The following TJP2 variants were observed in gnomAD, a reference collection of about 807,000 sequenced individuals.
The protein encoded by TJP2 is tight junction protein 2.
A neutral mutation model predicts 133.1 loss-of-function variants in TJP2; 91 were observed. That is an observed-to-expected ratio of 0.68 (90% CI 0.58 to 0.81). The LOEUF (loss-of-function observed/expected upper bound fraction) is 0.81, where lower values mean the gene tolerates loss of function less well. Among genes scored for constraint, TJP2 ranks in the 40% least tolerant of loss-of-function variants. The probability of loss-of-function intolerance (pLI) is 0.00; values close to 1 mark genes in which losing one functional copy is unlikely to be tolerated. For missense variants in TJP2, 1,541 were observed against 1,565.6 expected, an observed-to-expected ratio of 0.98 and a Z score of 0.26; for synonymous variants, 592 against 583.4, an observed-to-expected ratio of 1.01 and a Z score of -0.21.
chr9:69,184,746 TC>T (rs1350908670), intron 1 of TJP2, among the ~76,000 whole-genome samples: 2 of 143,540 alleles, frequency 1.4e-5, no homozygotes, highest in Non-Finnish European at 3.0e-5. Context: ...TCTCTCTCTC[TC>T]TCTTCTTTTT....
intron 2 of TJP2, among the ~76,000 whole-genome samples, chr9:69,164,507 CAGTT>C (rs575388848): frequency 3.0e-4 from 45 of 152,124 alleles, no homozygotes; most frequent in South Asian, 8.3e-4. Context: ...CTCTGAAACT[CAGTT>C]AGACAATAGA....
chr9:69,238,624 G>A (rs1830365473), intron 15 of TJP2, 86 bp from the exon 16 acceptor site: 2 of 991,998 alleles, frequency 2.0e-6, no homozygotes, highest in South Asian at 2.7e-5. Context: ...TGTCAGGTGT[G>A]CCATCATTGC....
chr9:69,158,989 C>T (rs376497725), intron 2 of TJP2, among the ~76,000 whole-genome samples: 4 of 151,938 alleles, frequency 2.6e-5, no homozygotes, highest in East Asian at 3.9e-4. Context: ...ACCGCCCCCC[C>T]CCCATCAAAA....
chr9:69,190,597 G>T (rs1437370053), intron 1 of TJP2, among the ~76,000 whole-genome samples: 1 of 152,178 alleles, frequency 6.6e-6, no homozygotes, highest in East Asian at 1.9e-4. Context: ...TGTACTTGAT[G>T]CTAAGGACAG....
intron 1 of TJP2, among the ~76,000 whole-genome samples, chr9:69,186,166 C>CT (rs757738681): frequency 2.0e-5 from 3 of 152,148 alleles, no homozygotes; most frequent in Non-Finnish European, 2.9e-5. Context: ...TTTTTCTTAA[C>CT]TTTAGAATGT....
intron 19 of TJP2, chr9:69,248,479 A>G (rs1271954324): frequency 2.3e-6 from 3 of 1,330,172 alleles, no homozygotes; most frequent in East Asian, 2.7e-5. Flanking sequence ...CGATGGATAA[A>G]CAGAATGGCT....
chr9:69,201,671 C>T (rs1411491734), intron 1 of TJP2, among the ~76,000 whole-genome samples: 1 of 151,278 alleles, frequency 6.6e-6, no homozygotes, highest in Non-Finnish European at 1.5e-5. Context: ...TTCATGGCAG[C>T]GTTTTTCACT....
At chr9:69,132,045 A>T (rs964039570) in intron 1 of TJP2, among the ~76,000 whole-genome samples, 1 of 152,272 alleles carries the variant, frequency 6.6e-6, no homozygotes, top group African/African-American at 2.4e-5. Context: ...CTCCTCTCCC[A>T]GTAGAGTTAC....
Position 69,248,906 on chromosome 9 carries a change from G to A in TJP2, c.2881-469G>A, listed in dbSNP as rs1164324536. On this transcript the variant is annotated intron_variant, in intron 19 of 22. Coordinates refer to ENST00000377245, the MANE Select transcript of TJP2 (RefSeq NM_004817.4). ...ATATATTTGGATAATTATTGCTGTGGATTTCTCTCTAGCATTTTAGCTCAT... is the reference window on the plus strand; with the variant it reads ...ATATATTTGGATAATTATTGCTGTGAATTTCTCTCTAGCATTTTAGCTCAT... The A allele has an allele frequency of 1.4e-5, 14 of 988,738 alleles. No individual in the cohort carries two copies. In the African/African-American group the frequency reaches 2.3e-4, roughly 16 times the overall value. The allele number at this position is 988,738 out of a possible 1,614,324, so 61.2% of individuals were successfully genotyped here. A position where few individuals can be genotyped will look rare whatever the true frequency, so the allele number is the denominator to read the frequency against.
Position 69,251,225 on chromosome 9 carries a change from G to GA in TJP2, c.3182_3183insA (p.Glu1062Ter). 6.2e-7 allele frequency: 1 copy of GA among 1,614,182 alleles called. No homozygotes were observed. Among genetic ancestry groups the GA allele is most frequent in the Non-Finnish European group, 8.5e-7 (1 of 1,180,034 alleles). ...TCCACTCCCATCCCTCCTCAAGAGG[G>GA]TGAGGAGGTGGGAGAGAGCAGTGAG... On this transcript the variant is annotated frameshift_variant, in exon 21 of 23. Coordinates refer to ENST00000377245, the MANE Select transcript of TJP2 (RefSeq NM_004817.4). LOFTEE classifies it high-confidence loss of function.
In TJP2 at chr9:69,124,142, AG is replaced by A. The variant is rs1314814999; in HGVS notation, c.-131+2418del. Among the ~76,000 whole-genome samples the A allele has an allele frequency of 2.7e-5, 2 of 73,766 alleles. 1 individual carries two copies. Among genetic ancestry groups the A allele is most frequent in the Non-Finnish European group, 6.1e-5 (2 of 32,674 alleles). 48.4% of individuals were successfully genotyped at this position (73,766 alleles called of 152,430 possible). ...TGATCCGCCCACCTCGGCCTTCCAA[AG>A]TGCTGGGATTACAGGCCTGAGCCAC... On this transcript the variant is annotated intron_variant, in intron 1 of 5. Coordinates refer to the TJP2 transcript ENST00000423935.
intron 1 of TJP2, among the ~76,000 whole-genome samples, chr9:69,130,048 GAAAA>G (rs1163784675): frequency 6.7e-6 from 1 of 149,442 alleles, no homozygotes; most frequent in African/African-American, 2.5e-5. Context: ...AGAAAAAAAA[GAAAA>G]AGAAAGTAAA....
chr9:69,191,736 T>TA (rs200638431), intron 1 of TJP2, among the ~76,000 whole-genome samples: 3 of 151,632 alleles, frequency 2.0e-5, no homozygotes, highest in Admixed American at 6.6e-5. Flanking sequence ...CAGTTCATTT[T>TA]TAAAATTTTT....
chr9:69,128,523 C>CTTTT lies in TJP2; in HGVS notation c.-131+6798_-131+6799insTTTT, dbSNP rs1564365342. Among the ~76,000 whole-genome samples, 2 of 101,232 alleles carry CTTTT rather than the reference C, an allele frequency of 2.0e-5. 1 individual carries two copies. The highest frequency in any genetic ancestry group is 3.8e-5 in the Non-Finnish European group (2 of 52,290). The allele number at this position is 101,232 out of a possible 152,430, so 66.4% of individuals were successfully genotyped here. A position where few individuals can be genotyped will look rare whatever the true frequency, so the allele number is the denominator to read the frequency against. ...TTATTTTTTCATGTGCTTATTAGAC[C>CTTTT]ATTTTTTTTTTTTTTTTGAGATGGA... On this transcript the variant is annotated intron_variant, in intron 1 of 5. Transcript: ENST00000423935.
intron 1 of TJP2, among the ~76,000 whole-genome samples, chr9:69,202,444 A>G (rs1827061396): frequency 6.6e-6 from 1 of 152,184 alleles, no homozygotes; most frequent in Non-Finnish European, 1.5e-5. Flanking sequence ...TAGAAAAATG[A>G]GAGGTTAGGA....
chr9:69,225,817 A>G (rs974020328), intron 6 of TJP2, among the ~76,000 whole-genome samples: 4 of 152,226 alleles, frequency 2.6e-5, no homozygotes, highest in Admixed American at 1.3e-4. Flanking sequence ...ATAAATTAGC[A>G]GAGTAACTTA....
chr9:69,154,649 G>C (rs1256218416), intron 2 of TJP2, among the ~76,000 whole-genome samples: 1 of 151,168 alleles, frequency 6.6e-6, no homozygotes, highest in Non-Finnish European at 1.5e-5. Context: ...AGAAGGCCAG[G>C]CATGGTGGTT....
intron 2 of TJP2, among the ~76,000 whole-genome samples, chr9:69,153,700 T>C (rs961889013): frequency 1.3e-5 from 2 of 152,224 alleles, no homozygotes; most frequent in Non-Finnish European, 2.9e-5. Flanking sequence ...GCTAGCATTG[T>C]CTGTTGGAGG....
intron 15 of TJP2, among the ~76,000 whole-genome samples, chr9:69,238,285 A>G (rs1344833512): frequency 6.6e-6 from 1 of 152,222 alleles, no homozygotes; most frequent in African/African-American, 2.4e-5. Flanking sequence ...AAGAAAGGTA[A>G]CATTGATGTG....
Sources: gnomAD v4.1 joint callset for allele counts (sites outside exome capture counted in the v4.1 genomes callset) on GRCh38, gnomAD v4.1.1 for gene constraint, MANE v1.5 for transcripts, NCBI Gene and HGNC (gene_info 2026-07-23, HGNC 2026-07-21) for gene names.